TENM4: variants seen among roughly 807,000 people sequenced by gnomAD.
The protein encoded by TENM4 is teneurin-4.
TENM4 carries 82 observed loss-of-function variants against 243.3 expected under a neutral mutation model. The ratio of observed to expected loss-of-function variants is 0.34; its 90% CI spans 0.28 to 0.40. TENM4 has a LOEUF of 0.40. TENM4 is among the 10% of genes least tolerant of loss of function. The pLI is 1.00. For missense variants in TENM4, 3,138 were observed against 3,673.3 expected, an observed-to-expected ratio of 0.85 and a Z score of 3.77; for synonymous variants, 1,412 against 1,456.3, an observed-to-expected ratio of 0.97 and a Z score of 0.69.
chr11:78,750,501 T>A (rs931480054), intron 19 of TENM4, among the ~76,000 whole-genome samples: 4 of 152,214 alleles, frequency 2.6e-5, no homozygotes, highest in Non-Finnish European at 5.9e-5. Flanking sequence ...CTTTTAATAT[T>A]GTCTACTCTA....
chr11:79,424,750 C>A (rs184715497), intron 1 of TENM4, among the ~76,000 whole-genome samples: 6 of 152,238 alleles, frequency 3.9e-5, no homozygotes, highest in African/African-American at 9.6e-5. Context: ...CTGGTTAACA[C>A]GGTGAAATCC....
At position 78,754,206 on chromosome 11, in the gene TENM4, C is replaced by T. The variant is rs1010322222; in HGVS notation, c.2756+2599G>A. Among the ~76,000 whole-genome samples, 9 of 152,182 alleles carry T rather than the reference C, an allele frequency of 5.9e-5. No homozygotes were observed. In the South Asian group the frequency reaches 8.3e-4, roughly 14 times the overall value. On this transcript the variant is annotated intron_variant, in intron 19 of 33. Transcript: ENST00000278550. ...CTTGTCCAGAGCTATGTATCTAGAG[C>T]GGCAGAGCCAGGATCTGAAGACCAA...
chr11:78,670,047 CGTT>C lies in TENM4; in HGVS notation c.6295_6297del (p.Asn2099del). The C allele has an allele frequency of 1.9e-6, 3 of 1,613,942 alleles. No homozygotes were observed. The highest frequency in any genetic ancestry group is 2.5e-6 in the Non-Finnish European group (3 of 1,179,874). ...TAGAGATCAATGGGCAGTGGGGTCT[CGTT>C]GATCACAGCCTGCATGCTGGTCACC... On this transcript the variant is annotated inframe_deletion, in exon 32 of 34. Transcript: ENST00000278550.
Position 78,657,959 on chromosome 11 carries a change from G to A in TENM4, c.*99C>T. 1 of 1,557,100 alleles carries A rather than the reference G, an allele frequency of 6.4e-7. No homozygotes were observed. The highest frequency in any genetic ancestry group is 8.8e-7 in the Non-Finnish European group (1 of 1,131,920). ...ATGCAACCAGTATCTTTTTGTTTCT[G>A]CACTTGTTAAAAAATCATTTTTTTA... On this transcript the variant is annotated 3_prime_UTR_variant, in exon 34 of 34. Transcript: ENST00000278550.
At chr11:79,173,228 C>T (rs1257848515) in intron 3 of TENM4, among the ~76,000 whole-genome samples, 1 of 152,194 alleles carries the variant, frequency 6.6e-6, no homozygotes, top group Non-Finnish European at 1.5e-5. Context: ...CTTATGTCAC[C>T]GTTGGAAGGA....
intron 21 of TENM4, 98 bp downstream of exon 21, chr11:78,732,218 A>G: frequency 2.0e-6 from 3 of 1,485,284 alleles, no homozygotes; most frequent in African/African-American, 1.4e-5. Flanking sequence ...CCCAAGCCCT[A>G]CAGAGGTGTT....
chr11:79,091,838 C>T (rs1463132908), intron 4 of TENM4, among the ~76,000 whole-genome samples: 1 of 152,210 alleles, frequency 6.6e-6, no homozygotes, highest in Non-Finnish European at 1.5e-5. Context: ...CCTGTCATCT[C>T]CTGCATCCAA....
intron 6 of TENM4, among the ~76,000 whole-genome samples, chr11:78,930,970 T>C (rs186266711): frequency 4.5e-4 from 68 of 152,216 alleles, no homozygotes; most frequent in Non-Finnish European, 7.6e-4. Flanking sequence ...CATTTTGCTG[T>C]GTAGCCAAGA....
intron 2 of TENM4, among the ~76,000 whole-genome samples, chr11:79,288,671 C>G (rs1293403696): frequency 6.6e-6 from 1 of 152,224 alleles, no homozygotes. Context: ...GACGTTACAT[C>G]TTCTGAAAGC....
chr11:78,761,942 T>G (rs1181841286), intron 18 of TENM4, among the ~76,000 whole-genome samples: 1 of 152,176 alleles, frequency 6.6e-6, no homozygotes, highest in African/African-American at 2.4e-5. Flanking sequence ...CTGCTGTAGC[T>G]TGGGCTCCTG....
intron 27 of TENM4, among the ~76,000 whole-genome samples, chr11:78,703,030 T>C (rs1859147564): frequency 6.6e-6 from 1 of 152,260 alleles, no homozygotes; most frequent in South Asian, 2.1e-4. Flanking sequence ...CTGTCTGTCA[T>C]AGTTCTAGAC....
chr11:78,664,519 C>G (rs1374168931), intron 32 of TENM4, among the ~76,000 whole-genome samples: 2 of 152,186 alleles, frequency 1.3e-5, no homozygotes, highest in Non-Finnish European at 2.9e-5. Context: ...GCCACTGCAC[C>G]TGGCAGATTT....
At chr11:78,769,850 A>G (rs1439991143) in intron 18 of TENM4, among the ~76,000 whole-genome samples, 2 of 152,220 alleles carry the variant, frequency 1.3e-5, no homozygotes, top group African/African-American at 4.8e-5. Flanking sequence ...TAGGCTGCTG[A>G]AACCCACTCA....
chr11:78,857,466 T>C (rs1227920043), intron 10 of TENM4, among the ~76,000 whole-genome samples: 1 of 152,226 alleles, frequency 6.6e-6, no homozygotes, highest in African/African-American at 2.4e-5. Flanking sequence ...GTTGTAGTCA[T>C]AAAACATTTT....
At chr11:78,821,751 T>A (rs1444450674) in intron 12 of TENM4, among the ~76,000 whole-genome samples, 1 of 152,186 alleles carries the variant, frequency 6.6e-6, no homozygotes, top group Admixed American at 6.5e-5. Flanking sequence ...TGAAACGTAA[T>A]CAGGTGAAAT....
intron 6 of TENM4, among the ~76,000 whole-genome samples, chr11:78,982,976 G>C (rs1243622262): frequency 6.6e-6 from 1 of 152,224 alleles, no homozygotes; most frequent in Non-Finnish European, 1.5e-5. Context: ...GGTCTGAGGA[G>C]TTAGCTCCCT....
At chr11:79,433,741 TC>T (rs1458122082) in intron 1 of TENM4, among the ~76,000 whole-genome samples, 1 of 152,220 alleles carries the variant, frequency 6.6e-6, no homozygotes, top group Non-Finnish European at 1.5e-5. Context: ...ATGGCCTGTT[TC>T]CTTTCTGTTT....
chr11:79,165,543 G>A (rs191778221), intron 3 of TENM4, among the ~76,000 whole-genome samples: 12 of 152,238 alleles, frequency 7.9e-5, no homozygotes, highest in African/African-American at 2.4e-4. Flanking sequence ...CTGAGTATTA[G>A]TCCTTTGTAG....
At position 78,652,840 on chromosome 11, in the gene TENM4, TAC is replaced by T. The variant is rs1297016203; in HGVS notation, c.*5216_*5217del. On this transcript the variant is annotated 3_prime_UTR_variant, in exon 34 of 34. Coordinates refer to ENST00000278550, the MANE Select transcript of TENM4 (RefSeq NM_001098816.3). ...GTTACAATTATTTGTATGATGAATA[TAC>T]AGTCATTTATTTTTAAAGTGCAACG... 3 of 152,212 alleles carry T rather than the reference TAC, an allele frequency of 2.0e-5. No homozygotes were observed. Among genetic ancestry groups the T allele is most frequent in the Non-Finnish European group, 4.4e-5 (3 of 68,038 alleles). 9.4% of individuals were successfully genotyped at this position (152,212 alleles called of 1,614,324 possible). A position where few individuals can be genotyped will look rare whatever the true frequency, so the allele number is the denominator to read the frequency against.
Sources: allele counts gnomAD v4.1 joint callset (sites outside exome capture counted in the v4.1 genomes callset), GRCh38; gene constraint gnomAD v4.1.1; transcripts MANE v1.5; gene names NCBI Gene and HGNC (gene_info 2026-07-23, HGNC 2026-07-21).